The following ZBTB20 variants were observed in gnomAD, a reference collection of about 807,000 sequenced individuals.
The protein encoded by ZBTB20 is zinc finger and BTB domain-containing protein 20.
A neutral mutation model predicts 56.9 loss-of-function variants in ZBTB20; 9 were observed. The observed-to-expected ratio is 0.16, with a 90% CI of 0.10 to 0.28. ZBTB20 has a LOEUF of 0.28. Among genes scored for constraint, ZBTB20 ranks in the 10% least tolerant of loss-of-function variants. The pLI is 1.00. For missense variants in ZBTB20, 655 were observed against 1,003.0 expected, an observed-to-expected ratio of 0.65 and a Z score of 4.69; for synonymous variants, 417 against 420.7, an observed-to-expected ratio of 0.99 and a Z score of 0.11.
intron 3 of ZBTB20, among the ~76,000 whole-genome samples, chr3:114,920,669 CAACTT>C (rs1435614044): frequency 2.0e-5 from 3 of 151,828 alleles, no homozygotes; most frequent in African/African-American, 4.8e-5. Flanking sequence ...AAATCTCAAA[CAACTT>C]AACTTCACAC....
intron 11 of ZBTB20, among the ~76,000 whole-genome samples, chr3:114,340,694 C>A (rs991465317): frequency 1.7e-4 from 26 of 152,194 alleles, no homozygotes; most frequent in African/African-American, 5.8e-4. Flanking sequence ...ATCTCTACCA[C>A]CTCATTCCTG....
At chr3:114,425,610 T>C (rs539668016) in intron 7 of ZBTB20, among the ~76,000 whole-genome samples, 2 of 152,188 alleles carry the variant, frequency 1.3e-5, no homozygotes, top group Non-Finnish European at 2.9e-5. Flanking sequence ...AAATATGCTG[T>C]CCCTCAAAGA....
At chr3:114,883,891 G>C (rs1160238196) in intron 4 of ZBTB20, among the ~76,000 whole-genome samples, 1 of 144,140 alleles carries the variant, frequency 6.9e-6, no homozygotes, top group Non-Finnish European at 1.5e-5. Context: ...GATTCAAGGG[G>C]TATAACTGGT....
At chr3:114,965,746 T>TC (rs1186734625) in intron 3 of ZBTB20, among the ~76,000 whole-genome samples, 1 of 152,176 alleles carries the variant, frequency 6.6e-6, no homozygotes, top group Non-Finnish European at 1.5e-5. Context: ...TTTGCATTTC[T>TC]CCGATGATTA....
chr3:114,785,785 T>C (rs1463420745), intron 5 of ZBTB20, among the ~76,000 whole-genome samples: 1 of 152,132 alleles, frequency 6.6e-6, no homozygotes, highest in Non-Finnish European at 1.5e-5. Flanking sequence ...GTGTGTGTGC[T>C]GAGAATACTT....
chr3:114,637,195 C>T (rs912950125), intron 6 of ZBTB20, among the ~76,000 whole-genome samples: 1 of 151,968 alleles, frequency 6.6e-6, no homozygotes, highest in African/African-American at 2.4e-5. Flanking sequence ...TGGAGTAGAA[C>T]AAAAACTGAA....
At chr3:114,587,308 A>G (rs1487679482) in intron 6 of ZBTB20, among the ~76,000 whole-genome samples, 1 of 152,122 alleles carries the variant, frequency 6.6e-6, no homozygotes, top group East Asian at 1.9e-4. Flanking sequence ...AATTCTAGGT[A>G]TAACTCTTAA....
chr3:114,336,697 G>A lies in ZBTB20; in HGVS notation c.*2308C>T, dbSNP rs909046300. 6.6e-6 allele frequency: 1 copy of A among 152,190 alleles called. No homozygotes were observed. The highest frequency in any genetic ancestry group is 1.5e-5 in the Non-Finnish European group (1 of 68,022). The allele number at this position is 152,190 out of a possible 1,614,324, so 9.4% of individuals were successfully genotyped here. On this transcript the variant is annotated 3_prime_UTR_variant, in exon 12 of 12. Transcript: ENST00000675478. Reference sequence around the variant, plus strand: ...ATTTAGTCATTACAGAGTTGTTTGTGTTGGAAGATTTTCCCTCGTTTGCTG... The same window carrying A: ...ATTTAGTCATTACAGAGTTGTTTGTATTGGAAGATTTTCCCTCGTTTGCTG...
chr3:114,516,989 G>GA (rs975043819), intron 6 of ZBTB20, among the ~76,000 whole-genome samples: 19 of 152,194 alleles, frequency 1.2e-4, no homozygotes, highest in Admixed American at 9.8e-4. Context: ...CTCAGTAAAA[G>GA]AAAAAATCTT....
At chr3:114,380,516 G>T in intron 9 of ZBTB20, 112 bp from the exon 10 acceptor site, 1 of 1,315,990 alleles carries the variant, frequency 7.6e-7, no homozygotes, top group Non-Finnish European at 1.0e-6. Flanking sequence ...GGGATGGGAG[G>T]GAGTCCAGTA....
At chr3:115,146,979 G>C (rs1054788224) in intron 1 of ZBTB20, among the ~76,000 whole-genome samples, 95 of 150,548 alleles carry the variant, frequency 6.3e-4, no homozygotes, top group African/African-American at 2.1e-3. Flanking sequence ...GGGCGCCGGG[G>C]GAGGGGGCGC....
chr3:114,488,074 CT>C (rs2042333369), intron 7 of ZBTB20, among the ~76,000 whole-genome samples: 1 of 152,288 alleles, frequency 6.6e-6, no homozygotes, highest in Admixed American at 6.5e-5. Flanking sequence ...CCTTTGAGGG[CT>C]GGTGATGCCA....
chr3:114,534,943 G>A (rs968880915), intron 6 of ZBTB20, among the ~76,000 whole-genome samples: 5 of 152,156 alleles, frequency 3.3e-5, no homozygotes, highest in African/African-American at 1.2e-4. Flanking sequence ...TGAAACCAAT[G>A]AGAACAAAGA....
chr3:114,748,693 C>T (rs2067312349), intron 5 of ZBTB20, among the ~76,000 whole-genome samples: 1 of 152,070 alleles, frequency 6.6e-6, no homozygotes, highest in South Asian at 2.1e-4. Context: ...GGTTTGAAGG[C>T]CAGTCTTCTC....
chr3:114,937,563 A>C (rs577595699), intron 3 of ZBTB20, among the ~76,000 whole-genome samples: 1 of 151,896 alleles, frequency 6.6e-6, no homozygotes, highest in Non-Finnish European at 1.5e-5. Flanking sequence ...CTGGGACTAC[A>C]GGCGCATCCT....
intron 6 of ZBTB20, among the ~76,000 whole-genome samples, chr3:114,577,458 A>C (rs565334078): frequency 6.6e-6 from 1 of 152,324 alleles, no homozygotes; most frequent in South Asian, 2.1e-4. Flanking sequence ...GTTACCTTAA[A>C]AATTCCGTGA....
chr3:114,662,260 T>C (rs1474994286), intron 6 of ZBTB20, among the ~76,000 whole-genome samples: 3 of 151,980 alleles, frequency 2.0e-5, no homozygotes, highest in Non-Finnish European at 4.4e-5. Flanking sequence ...CTGCATAGTA[T>C]TCCATGGTGT....
chr3:114,884,555 C>A (rs2076534516), intron 4 of ZBTB20, among the ~76,000 whole-genome samples: 2 of 152,090 alleles, frequency 1.3e-5, no homozygotes, highest in Admixed American at 6.5e-5. Flanking sequence ...AATCAAAGAT[C>A]ATCAGTTTCA....
At chr3:114,823,825 G>A (rs2073377619) in intron 4 of ZBTB20, among the ~76,000 whole-genome samples, 2 of 151,858 alleles carry the variant, frequency 1.3e-5, no homozygotes, top group South Asian at 2.1e-4. Context: ...AAACAATTTT[G>A]TCAATTTTGA....
Sources: gnomAD v4.1 joint callset for allele counts (sites outside exome capture counted in the v4.1 genomes callset) on GRCh38, gnomAD v4.1.1 for gene constraint, MANE v1.5 for transcripts, NCBI Gene and HGNC (gene_info 2026-07-23, HGNC 2026-07-21) for gene names.